The following TNPO1 variants were observed in gnomAD, a reference collection of about 807,000 sequenced individuals.
The protein encoded by TNPO1 is transportin-1.
In TNPO1, 8 loss-of-function variants were observed where a neutral mutation model predicts 119.5. The observed-to-expected ratio is 0.07, with a 90% CI of 0.04 to 0.12. TNPO1 has a LOEUF of 0.12. Among genes scored for constraint, TNPO1 ranks in the 10% least tolerant of loss-of-function variants. TNPO1 has a pLI of 1.00. For synonymous variants in TNPO1, 362 were observed against 363.0 expected, an observed-to-expected ratio of 1.00 and a Z score of 0.03; for missense variants, 576 against 1,089.8, an observed-to-expected ratio of 0.53 and a Z score of 6.64.
intron 11 of TNPO1, among the ~76,000 whole-genome samples, chr5:72,883,893 C>T (rs266442): frequency 0.12 from 18,112 of 151,874 alleles, 1,330 homozygotes; most frequent in East Asian, 0.29. Context: ...TACAGGTGCT[C>T]ACCAATACAC....
chr5:72,901,100 T>C, intron 22 of TNPO1, 27 bp downstream of exon 22: 1 of 1,456,472 alleles, frequency 6.9e-7, no homozygotes, highest in Non-Finnish European at 9.4e-7. Flanking sequence ...GATTTGTTTT[T>C]AATGTCTAAT....
At chr5:72,873,370 C>G (rs1018182143) in intron 7 of TNPO1, among the ~76,000 whole-genome samples, 4 of 151,996 alleles carry the variant, frequency 2.6e-5, no homozygotes, top group Non-Finnish European at 4.4e-5. Flanking sequence ...TTAAAAGTCC[C>G]TTAGAAGTCA....
intron 23 of TNPO1, among the ~76,000 whole-genome samples, chr5:72,904,429 G>A (rs1239132026): frequency 6.6e-6 from 1 of 152,182 alleles, no homozygotes; most frequent in Non-Finnish European, 1.5e-5. Flanking sequence ...TCTCAAAGCA[G>A]AGTTTAAGCA....
chr5:72,845,074 C>CTT (rs111512326), intron 1 of TNPO1, among the ~76,000 whole-genome samples: 17,595 of 142,414 alleles, frequency 0.12, 1,437 homozygotes, highest in African/African-American at 0.19. Context: ...GTTGAAATGC[C>CTT]TTTTTTTTTT....
chr5:72,853,481 G>A (rs566787834), intron 3 of TNPO1, among the ~76,000 whole-genome samples: 116 of 152,164 alleles, frequency 7.6e-4, no homozygotes, highest in Non-Finnish European at 1.5e-3. Flanking sequence ...TGGCAAGAGG[G>A]TTTGGAAGTC....
chr5:72,896,949 A>G (rs1749476731), intron 19 of TNPO1, 107 bp from the exon 20 acceptor site: 2 of 512,198 alleles, frequency 3.9e-6, no homozygotes, highest in Admixed American at 3.9e-5. Flanking sequence ...GTATTTCTAT[A>G]TTTATATGAC....
chr5:72,851,107 ATATCCT>A (rs2112257871), intron 2 of TNPO1, 131 bp from the exon 3 acceptor site: 1 of 632,694 alleles, frequency 1.6e-6, no homozygotes, highest in South Asian at 1.8e-5. Flanking sequence ...ATTTAGTAAG[ATATCCT>A]TATTCTTAGT....
intron 7 of TNPO1, among the ~76,000 whole-genome samples, chr5:72,873,964 C>T (rs1182847446): frequency 6.6e-6 from 1 of 151,938 alleles, no homozygotes; most frequent in Non-Finnish European, 1.5e-5. Flanking sequence ...ATTACTCTTT[C>T]ACAGTTTAAT....
At chr5:72,868,228 C>A (rs540085960) in intron 6 of TNPO1, among the ~76,000 whole-genome samples, 1 of 151,648 alleles carries the variant, frequency 6.6e-6, no homozygotes, top group Non-Finnish European at 1.5e-5. Context: ...GTCAGGAGAT[C>A]GAGACCATCC....
At chr5:72,841,702 G>A (rs1211025416) in intron 1 of TNPO1, among the ~76,000 whole-genome samples, 1 of 152,094 alleles carries the variant, frequency 6.6e-6, no homozygotes, top group Non-Finnish European at 1.5e-5. Flanking sequence ...GTTTGTCAAC[G>A]TTTTGATTCA....
chr5:72,816,812 G>A, intron 1 of TNPO1, 60 bp downstream of exon 1: 2 of 1,534,654 alleles, frequency 1.3e-6, no homozygotes, highest in Non-Finnish European at 1.8e-6. Flanking sequence ...GGCTGGGAGC[G>A]CCGAGCTGCC....
chr5:72,861,650 C>T (rs950367206), intron 4 of TNPO1, among the ~76,000 whole-genome samples, 158 bp from the exon 5 acceptor site: 3 of 152,124 alleles, frequency 2.0e-5, no homozygotes, highest in Non-Finnish European at 2.9e-5. Context: ...GAGATCTGCC[C>T]GCCTCGGCCT....
In TNPO1 at chr5:72,908,048, A is replaced by G. The variant is rs192729547; in HGVS notation, c.*36-661A>G. 6.0e-4 allele frequency among the ~76,000 whole-genome samples: 92 copies of G among 152,226 alleles called. 3 individuals are homozygous for G. The highest frequency in any genetic ancestry group is 2.7e-3 in the South Asian group (13 of 4,816). Reference sequence around the variant, plus strand: ...AGCCTGGGTGACAGAGCAAGGTGCTATCTCCAAAATAAATAAATAAATGTT... The same window carrying G: ...AGCCTGGGTGACAGAGCAAGGTGCTGTCTCCAAAATAAATAAATAAATGTT... On this transcript the variant is annotated intron_variant, in intron 24 of 24. Transcript: ENST00000337273.
At chr5:72,832,562 T>G (rs1381827224) in intron 1 of TNPO1, among the ~76,000 whole-genome samples, 1 of 152,166 alleles carries the variant, frequency 6.6e-6, no homozygotes, top group Non-Finnish European at 1.5e-5. Flanking sequence ...GTAGGTCCTT[T>G]GAGATATGGA....
At chr5:72,862,497 CT>C (rs11391014) in intron 5 of TNPO1, 49 of 146,348 alleles carry the variant, frequency 3.3e-4, no homozygotes, top group African/African-American at 9.1e-4. Context: ...CTAATTTTTT[CT>C]TTTTTTTTTT....
In TNPO1 at chr5:72,883,231, A is replaced by G. The variant is rs184513848; in HGVS notation, c.1149A>G (p.Leu383=). 6.9e-7 allele frequency: 1 copy of G among 1,441,744 alleles called. No individual in the cohort carries two copies. Among genetic ancestry groups the G allele is most frequent in the East Asian group, 2.3e-5 (1 of 44,092 alleles). 89.3% of individuals were successfully genotyped at this position (1,441,744 alleles called of 1,614,324 possible). ...ATGATACAATTTCTGACTGGAATCTAAGTAAGTCAGAAAGGGAAAAGCACA... is the reference window on the plus strand; with the variant it reads ...ATGATACAATTTCTGACTGGAATCTGAGTAAGTCAGAAAGGGAAAAGCACA... ...DDDDTISDWN[L]RKCSAAALDV... is the part of the protein sequence containing the mutation. The change falls in exon 11 of 25, where the codon CTA becomes CTG. Residue 383 remains leucine, a splice_region_variant and synonymous_variant. Transcript: ENST00000337273.
At chr5:72,848,242 C>T in intron 1 of TNPO1, 143 bp from the exon 2 acceptor site, 1 of 1,286,236 alleles carries the variant, frequency 7.8e-7, no homozygotes, top group South Asian at 2.1e-5. Flanking sequence ...CTTCGGGGCA[C>T]CTCAGGCAGG....
At chr5:72,827,747 C>T (rs907819514) in intron 1 of TNPO1, among the ~76,000 whole-genome samples, 3 of 151,658 alleles carry the variant, frequency 2.0e-5, no homozygotes, top group South Asian at 4.2e-4. Context: ...GACCCTGTCT[C>T]CACAAAAAAA....
In TNPO1 at chr5:72,870,979, G is replaced by GT. The variant is rs199841138; in HGVS notation, c.597-1652dup. ...TGCTGTTGTTTTTGAGACAGAGTTG[G>GT]TTTTTTTTGAGACTGAGTCTCTCTC... is the stretch of plus-strand genomic sequence containing the variant. On this transcript the variant is annotated intron_variant, in intron 6 of 24. Transcript: ENST00000337273. 4.8e-3 allele frequency among the ~76,000 whole-genome samples: 727 copies of GT among 151,892 alleles called. 7 individuals are homozygous for GT. Among genetic ancestry groups the GT allele is most frequent in the African/African-American group, 0.017 (703 of 41,418 alleles).
Sources: allele counts gnomAD v4.1 joint callset (sites outside exome capture counted in the v4.1 genomes callset), GRCh38; gene constraint gnomAD v4.1.1; transcripts MANE v1.5; gene names NCBI Gene and HGNC (gene_info 2026-07-23, HGNC 2026-07-21).